Variants in CRPPA observed in about 807,000 individuals in gnomAD.
The protein encoded by CRPPA is CDP-L-ribitol pyrophosphorylase A, also known as D-ribitol-5-phosphate cytidylyltransferase.
CRPPA carries 43 observed loss-of-function variants against 52.0 expected under a neutral mutation model. The observed-to-expected ratio is 0.83, with a 90% CI of 0.65 to 1.07. The LOEUF (loss-of-function observed/expected upper bound fraction) is 1.07, where lower values mean the gene tolerates loss of function less well. Ranked by LOEUF, CRPPA falls within the 50% of genes least tolerant of loss-of-function variation. The pLI is 0.00. For missense variants in CRPPA, 629 were observed against 551.7 expected (o/e 1.14, Z -1.40); for synonymous variants, 250 against 203.5 (o/e 1.23, Z -1.94).
intron 5 of CRPPA, among the ~76,000 whole-genome samples, chr7:16,286,632 A>T (rs557011555): frequency 3.0e-4 from 46 of 152,292 alleles, no homozygotes; most frequent in Non-Finnish European, 5.6e-4. Context: ...ATCTGTTTTA[A>T]TAACTATAGC....
chr7:16,313,162 A>G (rs1311312889), intron 3 of CRPPA, among the ~76,000 whole-genome samples: 3 of 151,964 alleles, frequency 2.0e-5, no homozygotes, highest in Admixed American at 6.6e-5. Context: ...CTTCCTTAAA[A>G]GTTTGGTAGA....
chr7:16,327,320 C>T (rs1391401398), intron 3 of CRPPA, among the ~76,000 whole-genome samples: 1 of 152,054 alleles, frequency 6.6e-6, no homozygotes, highest in South Asian at 2.1e-4. Flanking sequence ...AGGCCGGGCG[C>T]GGTGGCTCAC....
In CRPPA at chr7:16,178,553, C is replaced by T. The variant is rs561555059; in HGVS notation, c.1251+37513G>A. On this transcript the variant is annotated intron_variant, in intron 9 of 9. Transcript: ENST00000407010. ...AGTATTTATATATTATTATCAAAAA[C>T]GTTTTATCCTCTGAACTAAAATCAT... is the stretch of plus-strand genomic sequence containing the variant. Among the ~76,000 whole-genome samples the T allele has an allele frequency of 1.2e-4, 18 of 152,112 alleles. No homozygotes were observed. In the South Asian group the frequency reaches 3.7e-3, roughly 32 times the overall value.
chr7:16,210,100 T>C (rs1782089601), intron 9 of CRPPA, among the ~76,000 whole-genome samples: 1 of 152,214 alleles, frequency 6.6e-6, no homozygotes, highest in South Asian at 2.1e-4. Context: ...CCCTATGCCC[T>C]CTTCCAGATA....
intron 9 of CRPPA, among the ~76,000 whole-genome samples, chr7:16,126,433 T>C (rs1782582622): frequency 6.6e-6 from 1 of 152,172 alleles, no homozygotes; most frequent in East Asian, 1.9e-4. Context: ...AGATATACTT[T>C]GGCTAATTTC....
rs1785488021 is a variant in CRPPA at position 16,329,124 on chromosome 7, G to C, written c.685-20497C>G. The stretch of plus-strand genomic sequence containing the variant: ...ACTTTAAAATGAAATAAAACTTGGG[G>C]ATTTTTCCATAGGCAATTTTAGTTA... On this transcript the variant is annotated intron_variant, in intron 3 of 9. Coordinates refer to ENST00000407010, the MANE Select transcript of CRPPA (RefSeq NM_001101426.4). Among the ~76,000 whole-genome samples, 2 of 151,270 alleles carry C rather than the reference G, an allele frequency of 1.3e-5. 1 individual carries two copies. Among genetic ancestry groups the C allele is most frequent in the South Asian group, 4.2e-4 (2 of 4,768 alleles).
At chr7:16,370,948 T>G (rs952938802) in intron 3 of CRPPA, among the ~76,000 whole-genome samples, 1 of 152,140 alleles carries the variant, frequency 6.6e-6, no homozygotes, top group East Asian at 1.9e-4. Flanking sequence ...AGAGTCACAA[T>G]TCCTCCCTAC....
In CRPPA at chr7:16,278,047, G is replaced by GT. The variant is rs1009374038; in HGVS notation, c.933+81dup. ...CATTATGATTAAGGGATTTTTATGG[G>GT]TTTTTTTCCAAGAAAGATATCTTTA... On this transcript the variant is annotated intron_variant, in intron 6 of 9. Transcript: ENST00000407010. The GT allele has an allele frequency of 2.3e-4, 169 of 746,766 alleles. 1 individual carries two copies. In the Middle Eastern group the frequency reaches 3.2e-3, roughly 14 times the overall value. 46.3% of individuals were successfully genotyped at this position (746,766 alleles called of 1,614,324 possible).
intron 6 of CRPPA, chr7:16,266,276 T>A (rs1783950592): frequency 6.6e-6 from 1 of 152,134 alleles, no homozygotes; most frequent in Non-Finnish European, 1.5e-5. Context: ...GCATTAAACG[T>A]GTGCTGAGCA....
intron 9 of CRPPA, among the ~76,000 whole-genome samples, chr7:16,125,389 C>G (rs2128371159): frequency 6.6e-6 from 1 of 152,012 alleles, no homozygotes; most frequent in Non-Finnish European, 1.5e-5. Flanking sequence ...CAAGCATAGT[C>G]TCTGTCATTT....
intron 6 of CRPPA, among the ~76,000 whole-genome samples, chr7:16,259,367 C>T (rs1783732144): frequency 6.6e-6 from 1 of 151,894 alleles, no homozygotes; most frequent in African/African-American, 2.4e-5. Context: ...GTGATGATTG[C>T]AGGTATCTGG....
chr7:16,241,973 G>GTTTTTT (rs1249826023), intron 8 of CRPPA, among the ~76,000 whole-genome samples: 6 of 106,580 alleles, frequency 5.6e-5, no homozygotes, highest in South Asian at 3.0e-4. Flanking sequence ...TTTTTTGTTG[G>GTTTTTT]GGGGAGATAG....
intron 9 of CRPPA, among the ~76,000 whole-genome samples, chr7:16,211,843 T>C (rs1782153611): frequency 6.6e-6 from 1 of 152,168 alleles, no homozygotes; most frequent in Non-Finnish European, 1.5e-5. Context: ...GGATGTCCTT[T>C]ACAGTGCACA....
chr7:16,340,349 G>A (rs1033580787), intron 3 of CRPPA, among the ~76,000 whole-genome samples: 76 of 151,996 alleles, frequency 5.0e-4, no homozygotes, highest in African/African-American at 7.2e-5. Context: ...AAGATATGTG[G>A]TAAAAGACTT....
intron 5 of CRPPA, among the ~76,000 whole-genome samples, chr7:16,282,859 C>G (rs1784346097): frequency 6.6e-6 from 1 of 152,042 alleles, no homozygotes; most frequent in Non-Finnish European, 1.5e-5. Context: ...CAATTTCTTA[C>G]AGTGTCTATG....
At chr7:16,158,394 A>G (rs1284564042) in intron 9 of CRPPA, among the ~76,000 whole-genome samples, 1 of 152,156 alleles carries the variant, frequency 6.6e-6, no homozygotes, top group Non-Finnish European at 1.5e-5. Context: ...ATATTTATGA[A>G]TAAATTTCTA....
chr7:16,192,018 A>G (rs566513360), intron 9 of CRPPA, among the ~76,000 whole-genome samples: 10 of 152,120 alleles, frequency 6.6e-5, no homozygotes, highest in Non-Finnish European at 1.2e-4. Flanking sequence ...TCTTTGACAA[A>G]TCATTCCATC....
chr7:16,130,633 G>A (rs1320475569), intron 9 of CRPPA, among the ~76,000 whole-genome samples: 9 of 152,066 alleles, frequency 5.9e-5, no homozygotes, highest in Non-Finnish European at 1.2e-4. Context: ...TTTTCCTTTT[G>A]TACACTAAGT....
chr7:16,360,927 A>C (rs758105474), intron 3 of CRPPA, among the ~76,000 whole-genome samples: 7 of 152,214 alleles, frequency 4.6e-5, no homozygotes, highest in Non-Finnish European at 1.0e-4. Context: ...TCAATAAAAA[A>C]AGCAATCTCT....
Sources: allele counts gnomAD v4.1 joint callset (sites outside exome capture counted in the v4.1 genomes callset), GRCh38; gene constraint gnomAD v4.1.1; transcripts MANE v1.5; gene names NCBI Gene and HGNC (gene_info 2026-07-23, HGNC 2026-07-21).